The following MARCHF1 variants were observed in gnomAD, a reference collection of about 807,000 sequenced individuals.
The protein encoded by MARCHF1 is E3 ubiquitin-protein ligase MARCHF1.
In MARCHF1, 40 loss-of-function variants were observed where a neutral mutation model predicts 54.2. The ratio of observed to expected loss-of-function variants is 0.74; its 90% CI spans 0.57 to 0.96. The LOEUF is 0.96. MARCHF1 is among the 40% of genes least tolerant of loss of function. The probability of loss-of-function intolerance (pLI) is 0.00; values close to 1 mark genes in which losing one functional copy is unlikely to be tolerated. For synonymous variants in MARCHF1, 236 were observed against 236.3 expected, an observed-to-expected ratio of 1.00 and a Z score of 0.01; for missense variants, 586 against 656.5, an observed-to-expected ratio of 0.89 and a Z score of 1.17.
At position 163,785,254 on chromosome 4, in the gene MARCHF1, C is replaced by T. The variant is rs1014274773; in HGVS notation, c.111+68767G>A. On this transcript the variant is annotated intron_variant, in intron 4 of 9. Transcript: ENST00000514618. ...TCCATAGTCACAAAGAAAAAAATGA[C>T]ACAAATTGCATTGGTCCTCCAATTA... 2.0e-5 allele frequency among the ~76,000 whole-genome samples: 3 copies of T among 152,158 alleles called. 1 individual carries two copies. In the South Asian group the frequency reaches 6.2e-4, roughly 32 times the overall value.
rs2111393598 is a variant in MARCHF1 at position 164,300,592 on chromosome 4, G to A, written c.-323+83278C>T. The stretch of plus-strand genomic sequence containing the variant: ...CAGATGATCTCACTCTGTCACCCAA[G>A]CTATAGGGGAGTGATCTCAGCTCAC... On this transcript the variant is annotated intron_variant, in intron 1 of 9. Transcript: ENST00000514618. 3.9e-5 allele frequency among the ~76,000 whole-genome samples: 6 copies of A among 152,208 alleles called. No individual in the cohort carries two copies. The South Asian group carries it at 1.2e-3, about 32-fold the overall frequency.
intron 4 of MARCHF1, among the ~76,000 whole-genome samples, chr4:163,787,637 G>A (rs1272771819): frequency 6.6e-6 from 1 of 151,774 alleles, no homozygotes; most frequent in Admixed American, 6.6e-5. Context: ...AATGTAAAAT[G>A]GTGCAGTCAC....
rs1382487045 is a variant in MARCHF1, at chr4:163,528,250, T to A, written c.*498A>T. 1 of 153,686 alleles carries A rather than the reference T, an allele frequency of 6.5e-6. No homozygotes were observed. Among genetic ancestry groups the A allele is most frequent in the Non-Finnish European group, 1.5e-5 (1 of 68,832 alleles). 9.5% of individuals were successfully genotyped at this position (153,686 alleles called of 1,614,324 possible). On this transcript the variant is annotated 3_prime_UTR_variant, in exon 10 of 10. Transcript: ENST00000514618. ...TTAGCTGTCAAAGCATATCAAAATATGCATCCTCCAAGTTCACTTCCAATG... is the reference window on the plus strand; with the variant it reads ...TTAGCTGTCAAAGCATATCAAAATAAGCATCCTCCAAGTTCACTTCCAATG...
chr4:164,324,140 G>A (rs561731582), intron 1 of MARCHF1, among the ~76,000 whole-genome samples: 1 of 151,774 alleles, frequency 6.6e-6, no homozygotes, highest in South Asian at 2.1e-4. Context: ...TCTATTTCAG[G>A]AAACCTAACA....
At chr4:163,967,821 G>T (rs1752474191) in intron 3 of MARCHF1, among the ~76,000 whole-genome samples, 1 of 152,126 alleles carries the variant, frequency 6.6e-6, no homozygotes, top group Admixed American at 6.6e-5. Flanking sequence ...AGAGCTGATG[G>T]TGTAGATAAA....
intron 5 of MARCHF1, among the ~76,000 whole-genome samples, chr4:163,652,085 G>A (rs1742988808): frequency 6.6e-6 from 1 of 151,782 alleles, no homozygotes; most frequent in Admixed American, 6.6e-5. Context: ...CTGCCGTCAT[G>A]TGCAGATGGA....
chr4:164,246,008 G>T (rs372611130), intron 1 of MARCHF1, among the ~76,000 whole-genome samples: 448 of 36,408 alleles, frequency 0.012, no homozygotes, highest in Non-Finnish European at 0.013. Context: ...TCAATATCGT[G>T]AAAATGGCCA....
chr4:163,549,032 G>T (rs1739007810), intron 8 of MARCHF1, among the ~76,000 whole-genome samples: 2 of 152,124 alleles, frequency 1.3e-5, no homozygotes, highest in Non-Finnish European at 2.9e-5. Context: ...CTGTTACCAG[G>T]AGTATATTGT....
intron 2 of MARCHF1, among the ~76,000 whole-genome samples, chr4:164,029,583 C>T (rs1034305986): frequency 6.8e-6 from 1 of 146,360 alleles, no homozygotes; most frequent in African/African-American, 2.5e-5. Context: ...ATATATATGT[C>T]ATTTTTAACT....
chr4:163,963,010 A>T (rs1391798889), intron 3 of MARCHF1, among the ~76,000 whole-genome samples: 1 of 151,918 alleles, frequency 6.6e-6, no homozygotes, highest in African/African-American at 2.4e-5. Flanking sequence ...TCTAGAGGGC[A>T]CTACATTTCT....
At chr4:163,661,030 A>G (rs1392762067) in intron 5 of MARCHF1, among the ~76,000 whole-genome samples, 2 of 151,976 alleles carry the variant, frequency 1.3e-5, no homozygotes, top group East Asian at 3.9e-4. Flanking sequence ...TGGTTGTATT[A>G]TCACTATTTA....
chr4:163,923,590 C>T (rs1450953646), intron 3 of MARCHF1, among the ~76,000 whole-genome samples: 1 of 151,910 alleles, frequency 6.6e-6, no homozygotes, highest in African/African-American at 2.4e-5. Flanking sequence ...TATCTCACTC[C>T]AGTGAGCCTA....
At chr4:163,734,103 G>T (rs969153191) in intron 4 of MARCHF1, among the ~76,000 whole-genome samples, 1 of 152,138 alleles carries the variant, frequency 6.6e-6, no homozygotes, top group Non-Finnish European at 1.5e-5. Context: ...TCCACAGTGA[G>T]ATACCACTAT....
intron 4 of MARCHF1, among the ~76,000 whole-genome samples, chr4:163,853,155 A>T (rs1161644143): frequency 6.6e-6 from 1 of 152,240 alleles, no homozygotes; most frequent in East Asian, 1.9e-4. Context: ...ATACTAAGAT[A>T]GTCAAATAAT....
chr4:164,101,494 C>G (rs1351514093), intron 2 of MARCHF1, among the ~76,000 whole-genome samples: 2 of 125,932 alleles, frequency 1.6e-5, no homozygotes, highest in Non-Finnish European at 3.5e-5. Flanking sequence ...CACCCCCCAG[C>G]AGGGGCACAC....
chr4:163,842,517 T>A (rs946250737), intron 4 of MARCHF1, among the ~76,000 whole-genome samples: 8 of 152,218 alleles, frequency 5.3e-5, no homozygotes, highest in Admixed American at 2.6e-4. Context: ...TAGAAGAGTG[T>A]CTTAGAGCAT....
At chr4:164,374,625 C>T (rs1731132877) in intron 1 of MARCHF1, among the ~76,000 whole-genome samples, 2 of 152,118 alleles carry the variant, frequency 1.3e-5, no homozygotes, top group Non-Finnish European at 1.5e-5. Flanking sequence ...AAGGAACAAA[C>T]CAAAAAGTAT....
At chr4:164,105,905 A>C (rs1320185988) in intron 2 of MARCHF1, among the ~76,000 whole-genome samples, 1 of 148,448 alleles carries the variant, frequency 6.7e-6, no homozygotes, top group Non-Finnish European at 1.5e-5. Context: ...CAATGAACTC[A>C]AACAAATTTA....
chr4:163,719,850 T>C (rs1487306551), intron 4 of MARCHF1, among the ~76,000 whole-genome samples: 3 of 152,250 alleles, frequency 2.0e-5, no homozygotes, highest in South Asian at 2.1e-4. Context: ...TGTCTGTTCA[T>C]ATTCTTCGCC....
Sources: gnomAD v4.1 joint callset for allele counts (sites outside exome capture counted in the v4.1 genomes callset) on GRCh38, gnomAD v4.1.1 for gene constraint, MANE v1.5 for transcripts, NCBI Gene and HGNC (gene_info 2026-07-23, HGNC 2026-07-21) for gene names.